Variants in SLC38A10 observed in about 807,000 individuals in gnomAD.
SLC38A10 encodes solute carrier family 38 member 10.
A neutral mutation model predicts 81.0 loss-of-function variants in SLC38A10; 53 were observed. That is an observed-to-expected ratio of 0.65 (90% CI 0.53 to 0.82). The LOEUF (loss-of-function observed/expected upper bound fraction) is 0.82. Ranked by LOEUF, SLC38A10 falls within the 40% of genes least tolerant of loss-of-function variation. SLC38A10 has a pLI of 0.00. For synonymous variants in SLC38A10, 665 were observed against 655.3 expected (o/e 1.01, Z -0.23); for missense variants, 1,471 against 1,545.0 (o/e 0.95, Z 0.80).
chr17:81,271,098 T>C, intron 9 of SLC38A10, 74 bp from the exon 10 acceptor site: 4 of 1,271,030 alleles, frequency 3.1e-6, no homozygotes, highest in Non-Finnish European at 4.5e-6. Flanking sequence ...GCTTTTGCCC[T>C]GCACACGGGT....
chr17:81,291,381 G>A (rs930689931), intron 1 of SLC38A10, among the ~76,000 whole-genome samples: 18 of 151,882 alleles, frequency 1.2e-4, no homozygotes, highest in African/African-American at 4.1e-4. Context: ...CAGTTACTTA[G>A]GAGGCTGAGG....
In SLC38A10 at chr17:81,279,686, AC is replaced by A. The variant is rs530285016; in HGVS notation, c.626+922del. 5 of 155,814 alleles carry A rather than the reference AC, an allele frequency of 3.2e-5. No homozygotes were observed. In the South Asian group the frequency reaches 9.2e-4, roughly 29 times the overall value. 9.7% of individuals were successfully genotyped at this position (155,814 alleles called of 1,614,324 possible). A position where few individuals can be genotyped will look rare whatever the true frequency, so the allele number is the denominator to read the frequency against. On this transcript the variant is annotated intron_variant, in intron 6 of 15. Coordinates refer to ENST00000374759, the MANE Select transcript of SLC38A10 (RefSeq NM_001037984.3). The stretch of plus-strand genomic sequence containing the variant: ...GAGGTGCACCGGCTGCTACGTGGCC[AC>A]CACCAAAAAGCCCCAGCTGCAGATT...
chr17:81,275,373 G>T (rs1438399931), intron 8 of SLC38A10, among the ~76,000 whole-genome samples: 1 of 152,068 alleles, frequency 6.6e-6, no homozygotes, highest in East Asian at 1.9e-4. Context: ...ATCAAACTCA[G>T]CCTCTCTTAT....
In SLC38A10 at chr17:81,246,112, A is replaced by C; in HGVS notation, c.2804T>G (p.Leu935Arg). Residue 935 changes from leucine to arginine, a missense_variant, in exon 16 of 16, where the codon CTG becomes CGG. Coordinates refer to ENST00000374759, the MANE Select transcript of SLC38A10 (RefSeq NM_001037984.3). ...RMKPKQVSRD[L>R]GLAADLPGGA... ...ACCGGGCAGGTCCGCTGCAAGGCCC[A>C]GGTCTCGGCTCACTTGCTTGGGCTT... is the stretch of plus-strand genomic sequence containing the variant. 1 of 1,608,908 alleles carries C rather than the reference A, an allele frequency of 6.2e-7. No individual in the cohort carries two copies. The highest frequency in any genetic ancestry group is 8.5e-7 in the Non-Finnish European group (1 of 1,179,470).
intron 8 of SLC38A10, among the ~76,000 whole-genome samples, chr17:81,273,728 A>G (rs1282559819): frequency 6.6e-6 from 1 of 152,166 alleles, no homozygotes; most frequent in Non-Finnish European, 1.5e-5. Flanking sequence ...ATAGACCCAG[A>G]GAAGGGGAGA....
intron 8 of SLC38A10, among the ~76,000 whole-genome samples, chr17:81,275,687 G>T (rs928698487): frequency 3.0e-5 from 4 of 134,370 alleles, no homozygotes; most frequent in Non-Finnish European, 6.1e-5. Flanking sequence ...AGTCGAGATC[G>T]CGCCACTGCA....
At position 81,251,612 on chromosome 17, in the gene SLC38A10, C is replaced by T. The variant is rs199931532; in HGVS notation, c.1946G>A (p.Gly649Asp). ...CTCCGCTGGGAGGGGAGGCTTCCCA[C>T]CTGCACACACGGTGAAGACTCAGAA... Reference protein sequence around the residue: ...TGQPAEDSDHGGKPPLPAEKP... With the variant: ...TGQPAEDSDHDGKPPLPAEKP... The change falls in exon 14 of 16, where the codon GGT becomes GAT. Residue 649 changes from glycine to aspartate, a missense_variant and splice_region_variant. Around this residue, in one of 2 missense-constraint regions of SLC38A10, gnomAD observed 751 missense variants for 717.4 expected, o/e 1.05. Transcript: ENST00000374759. 1.3e-3 allele frequency: 1,874 copies of T among 1,488,012 alleles called. 7 individuals are homozygous for T. Among genetic ancestry groups the T allele is most frequent in the Non-Finnish European group, 9.4e-4 (1,064 of 1,127,108 alleles). The allele number at this position is 1,488,012 out of a possible 1,614,324, so 92.2% of individuals were successfully genotyped here.
intron 13 of SLC38A10, 192 bp downstream of exon 13, chr17:81,252,003 T>C (rs892556577): frequency 5.2e-6 from 4 of 774,778 alleles, no homozygotes; most frequent in Non-Finnish European, 8.0e-6. Context: ...GTGACAGATA[T>C]TACAGTAGCT....
In SLC38A10 at chr17:81,289,425, T is replaced by C. The variant is rs1395924058; in HGVS notation, c.217+266A>G. On this transcript the variant is annotated intron_variant, in intron 2 of 15. Transcript: ENST00000374759. The surrounding 1 kb of genome is among the most constrained non-coding windows in gnomAD (Gnocchi z 5.9). ...TCTCGCTCTGTCACCCAGGCTGGAA[T>C]ACAATGGCGTGATCACAGCTCACTG... 6.6e-6 allele frequency among the ~76,000 whole-genome samples: 1 copy of C among 151,758 alleles called. No individual in the cohort carries two copies. Among genetic ancestry groups the C allele is most frequent in the Non-Finnish European group, 1.5e-5 (1 of 67,972 alleles).
In SLC38A10 at chr17:81,286,833, C is replaced by T. The variant is rs1190047715; in HGVS notation, c.218-1938G>A. Among the ~76,000 whole-genome samples, 2 of 152,164 alleles carry T rather than the reference C, an allele frequency of 1.3e-5. No homozygotes were observed. Among genetic ancestry groups the T allele is most frequent in the Non-Finnish European group, 2.9e-5 (2 of 68,040 alleles). ...TGCTCACAACCGAGAACTCAGAGGC[C>T]GCGTGGGGGCCAAACAGTCCCTGCT... is the stretch of plus-strand genomic sequence containing the variant. On this transcript the variant is annotated intron_variant, in intron 2 of 15. Transcript: ENST00000374759. This position sits in a 1 kb window ranked among gnomAD's most constrained non-coding sequence, Gnocchi z 6.0.
Position 81,246,297 on chromosome 17 carries a change from G to T in SLC38A10, c.2619C>A (p.Arg873=). The T allele has an allele frequency of 6.2e-7, 1 of 1,611,640 alleles. No homozygotes were observed. The change falls in exon 16 of 16, where the codon CGC becomes CGA. Residue 873 remains arginine, a synonymous_variant. Transcript: ENST00000374759. ...TTTGCCCAGGGAATTCCTCTGCGAG[G>T]CGCTCCTCTGGGCCCCCGGCTTCCC... The part of the protein sequence containing the change: ...PAREAGGPEE[R]LAEEFPGQSQ...
chr17:81,250,881 A>G (rs745587399), intron 14 of SLC38A10: 3 of 1,082,342 alleles, frequency 2.8e-6, no homozygotes, highest in Non-Finnish European at 3.4e-6. Flanking sequence ...TTGGAGGAGG[A>G]TTCAGAGCAA....
intron 11 of SLC38A10, among the ~76,000 whole-genome samples, chr17:81,255,996 C>T (rs1033384929): frequency 6.6e-6 from 1 of 152,188 alleles, no homozygotes; most frequent in African/African-American, 2.4e-5. Flanking sequence ...AAAAAATCAT[C>T]TCCAGTCACA....
chr17:81,275,907 G>T, intron 8 of SLC38A10, 62 bp downstream of exon 8: 2 of 1,511,768 alleles, frequency 1.3e-6, no homozygotes, highest in Non-Finnish European at 1.8e-6. Flanking sequence ...ACAGCTGGGG[G>T]CTTATGGGAA....
At position 81,246,606 on chromosome 17, in the gene SLC38A10, C is replaced by A; in HGVS notation, c.2310G>T (p.Arg770Ser). The A allele has an allele frequency of 6.6e-7, 1 of 1,515,684 alleles. No individual in the cohort carries two copies. The highest frequency in any genetic ancestry group is 8.8e-7 in the Non-Finnish European group (1 of 1,134,338). 93.9% of individuals were successfully genotyped at this position (1,515,684 alleles called of 1,614,324 possible). ...GGGGAGGCAGATTCTCCACCGTCTC[C>A]CTGGCCTTGCCTTCAGGGGCCTCCT... is the stretch of plus-strand genomic sequence containing the variant. The part of the protein sequence containing the change: ...RGQEAPEGKA[R>S]ETVENLPPLP... The change falls in exon 16 of 16, where the codon AGG (arginine) becomes AGT (serine). Residue 770 changes from arginine to serine, a missense_variant. Around this residue, in one of 2 missense-constraint regions of SLC38A10, gnomAD observed 751 missense variants for 717.4 expected, o/e 1.05. Coordinates refer to ENST00000374759, the MANE Select transcript of SLC38A10 (RefSeq NM_001037984.3).
rs2063236355 is a variant in SLC38A10, at chr17:81,283,618, T to C, written c.264-116A>G. 2 of 171,846 alleles carry C rather than the reference T, an allele frequency of 1.2e-5. No homozygotes were observed. The highest frequency in any genetic ancestry group is 2.0e-5 in the Non-Finnish European group (2 of 99,468). The allele number at this position is 171,846 out of a possible 1,614,324, so 10.6% of individuals were successfully genotyped here. On this transcript the variant is annotated intron_variant, in intron 3 of 15. Transcript: ENST00000374759. This position sits in a 1 kb window ranked among gnomAD's most constrained non-coding sequence, Gnocchi z 4.7. ...AATGACAGATGTGATTTCTTTTTTC[T>C]TTTTTTTTTTTTTGAAACAGAGTCT... is the stretch of plus-strand genomic sequence containing the variant.
At position 81,245,642 on chromosome 17, in the gene SLC38A10, G is replaced by C; in HGVS notation, c.3274C>G (p.Gln1092Glu). 6.2e-7 allele frequency: 1 copy of C among 1,612,266 alleles called. No homozygotes were observed. Residue 1092 changes from glutamine (Q) to glutamate (E), a missense_variant, in exon 16 of 16, where the codon CAG becomes GAG. Transcript: ENST00000374759. Reference sequence around the variant, plus strand: ...GCTCCCCCCGCAGCCTGGCGGAGCTGGGCATCCAGGGCGCCACGGAGGTCG... The same window carrying C: ...GCTCCCCCCGCAGCCTGGCGGAGCTCGGCATCCAGGGCGCCACGGAGGTCG... The part of the protein sequence containing the change: ...VNDLRGALDA[Q>E]LRQAAGGALQ...
Position 81,245,691 on chromosome 17 carries a change from G to T in SLC38A10, c.3225C>A (p.Asn1075Lys), listed in dbSNP as rs779086195. 3 of 1,588,986 alleles carry T rather than the reference G, an allele frequency of 1.9e-6. No homozygotes were observed. The East Asian group carries it at 7.0e-5, about 37-fold the overall frequency. Residue 1075 changes from asparagine to lysine, a missense_variant, in exon 16 of 16, where the codon AAC (asparagine) becomes AAA (lysine). Physicochemically the swap from Asn to Lys is moderately conservative, Grantham distance 94. Coordinates refer to ENST00000374759, the MANE Select transcript of SLC38A10 (RefSeq NM_001037984.3). ...CGTTCACCTGGACATCAGGCAGGGG[G>T]TTAAGGCCAATGATGACCCCATCCC... ...APRDGVIIGLNPLPDVQVNDL... is the reference protein window; with the variant it reads ...APRDGVIIGLKPLPDVQVNDL...
chr17:81,245,746 C>T lies in SLC38A10; in HGVS notation c.3170G>A (p.Gly1057Asp), dbSNP rs747993871. 1 of 1,595,820 alleles carries T rather than the reference C, an allele frequency of 6.3e-7. No homozygotes were observed. Among genetic ancestry groups the T allele is most frequent in the Non-Finnish European group, 8.6e-7 (1 of 1,167,178 alleles). Residue 1057 changes from glycine (G) to aspartate (D), a missense_variant, in exon 16 of 16, where the codon GGC (glycine) becomes GAC (aspartate). Gly to Asp is a moderately conservative substitution (Grantham distance 94). Transcript: ENST00000374759. ...SDLRRRRRDLGPHAEGQLAPR... is the reference protein window; with the variant it reads ...SDLRRRRRDLDPHAEGQLAPR... Reference sequence around the variant, plus strand: ...GGCCAGCTGACCCTCTGCATGAGGGCCAAGGTCCCGCCGTCGCCTCCGGAG... The same window carrying T: ...GGCCAGCTGACCCTCTGCATGAGGGTCAAGGTCCCGCCGTCGCCTCCGGAG...
Sources: allele counts gnomAD v4.1 joint callset (sites outside exome capture counted in the v4.1 genomes callset), GRCh38; gene constraint gnomAD v4.1.1; regional missense constraint gnomAD v4.1.1; non-coding constraint Gnocchi (gnomAD v3.1); transcripts MANE v1.5; gene names NCBI Gene and HGNC (gene_info 2026-07-23, HGNC 2026-07-21).